TOR1AIP2: variants seen among roughly 807,000 people sequenced by gnomAD.
TOR1AIP2 encodes torsin-1A-interacting protein 2.
TOR1AIP2 carries 20 observed loss-of-function variants against 32.6 expected under a neutral mutation model. The ratio of observed to expected loss-of-function variants is 0.61; its 90% confidence interval spans 0.43 to 0.89. TOR1AIP2 has a LOEUF of 0.89. Among genes scored for constraint, TOR1AIP2 ranks in the 40% least tolerant of loss-of-function variants. The pLI, the probability that TOR1AIP2 is intolerant of heterozygous loss-of-function variation, is 0.00. For missense variants in TOR1AIP2, 456 were observed against 553.8 expected (o/e 0.82, Z 1.77); for synonymous variants, 214 against 210.8 (o/e 1.02, Z -0.13).
At chr1:179,862,516 G>C in intron 3 of TOR1AIP2, 2 of 985,426 alleles carry the variant, frequency 2.0e-6, no homozygotes, top group Non-Finnish European at 2.4e-6. Flanking sequence ...GGCAGATACA[G>C]GGTGCATCTC....
chr1:179,869,967 C>T (rs1696946776), intron 2 of TOR1AIP2, among the ~76,000 whole-genome samples: 1 of 152,140 alleles, frequency 6.6e-6, no homozygotes, highest in African/African-American at 2.4e-5. Flanking sequence ...TTAATCTGCT[C>T]ACAAAGCCAA....
At chr1:179,864,096 G>A (rs868585804) in intron 3 of TOR1AIP2, 9 of 985,256 alleles carry the variant, frequency 9.1e-6, no homozygotes, top group Admixed American at 6.2e-5. Flanking sequence ...GTAAAGCCAC[G>A]TAAGTATGGA....
chr1:179,864,900 G>C, intron 3 of TOR1AIP2: 1 of 1,614,012 alleles, frequency 6.2e-7, no homozygotes, highest in Non-Finnish European at 8.5e-7. Flanking sequence ...ACCAGTGGAG[G>C]ACCCAGAAGA....
chr1:179,873,054 ATTTC>A (rs1431318150), intron 2 of TOR1AIP2, among the ~76,000 whole-genome samples: 3 of 152,220 alleles, frequency 2.0e-5, no homozygotes, highest in Non-Finnish European at 4.4e-5. Flanking sequence ...AGATTTCACG[ATTTC>A]TTTTAGTTGT....
At position 179,846,028 on chromosome 1, in the gene TOR1AIP2, T is replaced by A; in HGVS notation, c.*43A>T. The A allele has an allele frequency of 2.6e-6, 4 of 1,549,158 alleles. No homozygotes were observed. The highest frequency in any genetic ancestry group is 3.5e-6 in the Non-Finnish European group (4 of 1,147,104). On this transcript the variant is annotated 3_prime_UTR_variant, in exon 7 of 7. Transcript: ENST00000609928. ...AAATGGAAGGTCTTTAAACAAACTT[T>A]TTCATAAACATATACCTTCTGTAAC...
intron 2 of TOR1AIP2, among the ~76,000 whole-genome samples, chr1:179,872,221 G>A (rs1558029758): frequency 6.6e-6 from 1 of 152,154 alleles, no homozygotes; most frequent in Non-Finnish European, 1.5e-5. Context: ...AACTGGTTTG[G>A]AAACCTACTG....
At chr1:179,851,946 C>T (rs1363529593) in intron 4 of TOR1AIP2, among the ~76,000 whole-genome samples, 1 of 152,168 alleles carries the variant, frequency 6.6e-6, no homozygotes, top group Non-Finnish European at 1.5e-5. Flanking sequence ...ATCAGCAAAA[C>T]CCAGCACGTG....
chr1:179,847,398 T>A (rs556555981), intron 6 of TOR1AIP2, 137 bp downstream of exon 6: 7 of 693,350 alleles, frequency 1.0e-5, no homozygotes, highest in South Asian at 9.7e-5. Context: ...TATTTTACTA[T>A]GTCTCACTAC....
chr1:179,845,940 A>T lies in TOR1AIP2; in HGVS notation c.*131T>A. ...ATAAAAAATAAAAACTTGTTTCTAA[A>T]ATAAGCTCATCTTTGTTTTTCAGGC... On this transcript the variant is annotated 3_prime_UTR_variant, in exon 7 of 7. Coordinates refer to ENST00000609928, the MANE Select transcript of TOR1AIP2 (RefSeq NM_001199260.2). 1 of 820,154 alleles carries T rather than the reference A, an allele frequency of 1.2e-6. No homozygotes were observed. Among genetic ancestry groups the T allele is most frequent in the Non-Finnish European group, 1.9e-6 (1 of 539,834 alleles). 50.8% of individuals were successfully genotyped at this position (820,154 alleles called of 1,614,324 possible).
chr1:179,861,873 T>C (rs1188349742), intron 3 of TOR1AIP2: 1 of 952,448 alleles, frequency 1.0e-6, no homozygotes, highest in Non-Finnish European at 1.2e-6. Flanking sequence ...GTTGTTTTTT[T>C]TTCTTGAAAG....
chr1:179,865,037 T>C, intron 3 of TOR1AIP2: 1 of 1,614,056 alleles, frequency 6.2e-7, no homozygotes, highest in Non-Finnish European at 8.5e-7. Flanking sequence ...AGGACAATAA[T>C]CAGCTCTGTT....
rs758980121 is a variant in TOR1AIP2, at chr1:179,846,613, T to C, written c.871A>G (p.Thr291Ala). The C allele has an allele frequency of 6.2e-7, 1 of 1,614,014 alleles. No individual in the cohort carries two copies. The highest frequency in any genetic ancestry group is 8.5e-7 in the Non-Finnish European group (1 of 1,179,986). Residue 291 changes from threonine to alanine, a missense_variant, in exon 7 of 7, where the codon ACT (threonine) becomes GCT (alanine). Transcript: ENST00000609928. ...LQKHLNASNP[T>A]EPATIIFTAA... ...GTAAATATGATGGTGGCTGGCTCAG[T>C]GGGGTTGGAAGCATTGAGGTGCTTC...
At chr1:179,873,442 C>A (rs1198502276) in intron 2 of TOR1AIP2, among the ~76,000 whole-genome samples, 2 of 152,172 alleles carry the variant, frequency 1.3e-5, no homozygotes, top group East Asian at 3.8e-4. Context: ...CACAGAAATG[C>A]CGCTGTGTCC....
At chr1:179,875,602 T>C (rs1647249698) in intron 2 of TOR1AIP2, 1 of 152,134 alleles carries the variant, frequency 6.6e-6, no homozygotes, top group African/African-American at 2.4e-5. Context: ...GGAAAATCTC[T>C]AAAAATCAAA....
intron 3 of TOR1AIP2, chr1:179,864,689 T>C: frequency 2.0e-6 from 3 of 1,497,164 alleles, no homozygotes; most frequent in Non-Finnish European, 8.9e-7. Flanking sequence ...AGTGACAATC[T>C]GGGTCAGACT....
At chr1:179,870,115 G>A (rs1389498620) in intron 2 of TOR1AIP2, among the ~76,000 whole-genome samples, 1 of 152,064 alleles carries the variant, frequency 6.6e-6, no homozygotes, top group Admixed American at 6.6e-5. Flanking sequence ...AAATCTTTAC[G>A]GCTGGGCACG....
rs1326644989 is a variant in TOR1AIP2 at position 179,847,574 on chromosome 1, T to C, written c.616A>G (p.Thr206Ala). The C allele has an allele frequency of 2.5e-6, 4 of 1,614,040 alleles. No individual in the cohort carries two copies. Among genetic ancestry groups the C allele is most frequent in the African/African-American group, 1.3e-5 (1 of 74,946 alleles). The change falls in exon 6 of 7, where the codon ACC becomes GCC. Residue 206 changes from threonine to alanine, a missense_variant. Thr to Ala is a moderately conservative substitution (Grantham distance 58). Transcript: ENST00000609928. ...LEEIKENAQD[T>A]MRQINKKGFW... ...CCCTTTTTATTAATCTGTCTCATGG[T>C]GTCCTGTGCATTCTCTTTAATTTCT...
chr1:179,844,744 A>AG lies in TOR1AIP2; in HGVS notation c.*1326_*1327insC, dbSNP rs1316790393. ...TAATTTTTAACCTAATGGTACTTCT[A>AG]TAACTAGTTGGTCAAGAAATGAGCT... is the stretch of plus-strand genomic sequence containing the variant. On this transcript the variant is annotated 3_prime_UTR_variant, in exon 7 of 7. Transcript: ENST00000609928. The AG allele has an allele frequency of 6.6e-6, 1 of 152,194 alleles. No individual in the cohort carries two copies. Among genetic ancestry groups the AG allele is most frequent in the Non-Finnish European group, 1.5e-5 (1 of 68,026 alleles). 9.4% of individuals were successfully genotyped at this position (152,194 alleles called of 1,614,324 possible). A position where few individuals can be genotyped will look rare whatever the true frequency, so the allele number is the denominator to read the frequency against.
chr1:179,848,097 T>C (rs1695987614), intron 5 of TOR1AIP2, among the ~76,000 whole-genome samples: 2 of 152,186 alleles, frequency 1.3e-5, no homozygotes, highest in African/African-American at 2.4e-5. Context: ...ACTATTACTT[T>C]TATTCTACTT....
Sources: gnomAD v4.1 joint callset for allele counts (sites outside exome capture counted in the v4.1 genomes callset) on GRCh38, gnomAD v4.1.1 for gene constraint, MANE v1.5 for transcripts, NCBI Gene and HGNC (gene_info 2026-07-23, HGNC 2026-07-21) for gene names.